The following SPRY2 variants were observed in gnomAD, a reference collection of about 807,000 sequenced individuals.
SPRY2 encodes the protein protein sprouty homolog 2.
In SPRY2, 10 loss-of-function variants were observed where a neutral mutation model predicts 23.4. The ratio of observed to expected loss-of-function variants is 0.43; its 90% CI spans 0.26 to 0.73. SPRY2 has a LOEUF of 0.73. SPRY2 is among the 30% of genes least tolerant of loss of function. The probability of loss-of-function intolerance (pLI) is 0.22; values close to 1 mark genes in which losing one functional copy is unlikely to be tolerated. For missense variants in SPRY2, 344 were observed against 396.9 expected (o/e 0.87, Z 1.13); for synonymous variants, 170 against 156.9 (o/e 1.08, Z -0.62).
chr13:80,341,041 C>T lies in SPRY2; in HGVS notation c.-471G>A, dbSNP rs1880497742. 6.8e-6 allele frequency: 1 copy of T among 146,870 alleles called. No homozygotes were observed. The highest frequency in any genetic ancestry group is 1.5e-5 in the Non-Finnish European group (1 of 65,352). The allele number at this position is 146,870 out of a possible 1,614,324, so 9.1% of individuals were successfully genotyped here. A position where few individuals can be genotyped will look rare whatever the true frequency, so the allele number is the denominator to read the frequency against. On this transcript the variant is annotated 5_prime_UTR_variant, in exon 1 of 2. Coordinates refer to ENST00000377104, the MANE Select transcript of SPRY2 (RefSeq NM_005842.4). The stretch of plus-strand genomic sequence containing the variant: ...GGGGCGCGGGCCGGGCCGGGCCGGG[C>T]GGGCGCGGGGGCCTGGGCGCTGCGC...
intron 1 of SPRY2, 102 bp downstream of exon 1, chr13:80,340,519 CG>C (rs1403219147): frequency 6.6e-6 from 1 of 152,220 alleles, no homozygotes; most frequent in Non-Finnish European, 1.5e-5. Flanking sequence ...AAGGGAGGCT[CG>C]GGGAGAGACG....
chr13:80,337,035 C>G lies in SPRY2; in HGVS notation c.671G>C (p.Gly224Ala). ...DYGTCVCCVK[G>A]LFYHCSNDDE... ...ATCATTAGAACAGTGATAGAAGAGA[C>G]CTTTCACACAGCATACACAAGTCCC... The change falls in exon 2 of 2, where the codon GGT becomes GCT. Residue 224 changes from glycine to alanine, a missense_variant. Coordinates refer to ENST00000377104, the MANE Select transcript of SPRY2 (RefSeq NM_005842.4). 6.2e-7 allele frequency: 1 copy of G among 1,614,242 alleles called. No homozygotes were observed. The highest frequency in any genetic ancestry group is 8.5e-7 in the Non-Finnish European group (1 of 1,180,054).
In SPRY2 at chr13:80,337,625, C is replaced by A; in HGVS notation, c.81G>T (p.Glu27Asp). 1 of 1,614,054 alleles carries A rather than the reference C, an allele frequency of 6.2e-7. No homozygotes were observed. Among genetic ancestry groups the A allele is most frequent in the South Asian group, 1.1e-5 (1 of 91,082 alleles). The change falls in exon 2 of 2, where the codon GAG (glutamate) becomes GAT (aspartate). Residue 27 changes from glutamate to aspartate, a missense_variant. Coordinates refer to ENST00000377104, the MANE Select transcript of SPRY2 (RefSeq NM_005842.4). ...TPRDGGRQRG[E>D]PDPRDALTQQ... is the part of the protein sequence containing the mutation. ...GGGTGAGGGCGTCTCTGGGGTCGGG[C>A]TCCCCACGCTGTCTGCCACCGTCAC...
Position 80,337,419 on chromosome 13 carries a change from T to G in SPRY2, c.287A>C (p.His96Pro), listed in dbSNP as rs1880318185. 15 of 1,613,934 alleles carry G rather than the reference T, an allele frequency of 9.3e-6. No homozygotes were observed. Among genetic ancestry groups the G allele is most frequent in the Non-Finnish European group, 1.3e-5 (15 of 1,180,014 alleles). The change falls in exon 2 of 2, where the codon CAC (histidine) becomes CCC (proline). Residue 96 changes from histidine (H) to proline (P), a missense_variant. Transcript: ENST00000377104. ...TCGTGCAGAAGAATGGACCTGCGAG[T>G]GCTGGAGCCTAGGAGGCTGGCGGTG... is the stretch of plus-strand genomic sequence containing the variant. ...PEHRQPPRLQ[H>P]SQVHSSARAP...
rs1433952843 is a variant in SPRY2 at position 80,337,702 on chromosome 13, C to T, written c.4G>A (p.Glu2Lys). 6.2e-7 allele frequency: 1 copy of T among 1,609,740 alleles called. No individual in the cohort carries two copies. Among genetic ancestry groups the T allele is most frequent in the East Asian group, 2.2e-5 (1 of 44,868 alleles). ...CCGTTGCCACTCTGAGCTCTGGCCT[C>T]CATCAGGTCTTGGAAGTGTGGTCAC... M[E>K]ARAQSGNGSQ... The change falls in exon 2 of 2, where the codon GAG becomes AAG. Residue 2 changes from glutamate (E) to lysine (K), a missense_variant. Glu to Lys is a moderately conservative substitution (Grantham distance 56). Coordinates refer to ENST00000377104, the MANE Select transcript of SPRY2 (RefSeq NM_005842.4).
At position 80,337,351 on chromosome 13, in the gene SPRY2, G is replaced by A. The variant is rs869025336; in HGVS notation, c.355C>T (p.Arg119Trp). 8.7e-6 allele frequency: 14 copies of A among 1,614,016 alleles called. No homozygotes were observed. The highest frequency in any genetic ancestry group is 1.6e-4 in the Middle Eastern group (1 of 6,084). The change falls in exon 2 of 2, where the codon CGG becomes TGG. Residue 119 changes from arginine (R) to tryptophan (W), a missense_variant. Physicochemically the swap from Arg to Trp is moderately radical, Grantham distance 101. Transcript: ENST00000377104. ...CTGGTACTTGTCCTCGTACTGCTCC[G>A]CGACCCTGAGCTGACCGTGCTTATG... is the stretch of plus-strand genomic sequence containing the variant. ...RSISTVSSGS[R>W]SSTRTSTSSS...
chr13:80,340,745 C>G lies in SPRY2; in HGVS notation c.-175G>C, dbSNP rs1400721052. On this transcript the variant is annotated 5_prime_UTR_variant, in exon 1 of 2. Transcript: ENST00000377104. ...TCCAACCTCTGCTTTAGACCAACTT[C>G]CGAGCAATCGGCGGGAGAAAAAAAG... is the stretch of plus-strand genomic sequence containing the variant. 6.6e-6 allele frequency: 1 copy of G among 152,294 alleles called. No individual in the cohort carries two copies. Among genetic ancestry groups the G allele is most frequent in the Non-Finnish European group, 1.5e-5 (1 of 68,078 alleles). 9.4% of individuals were successfully genotyped at this position (152,294 alleles called of 1,614,324 possible).
In SPRY2 at chr13:80,341,039, G is replaced by C. The variant is rs1364554091; in HGVS notation, c.-469C>G. 6.8e-6 allele frequency: 1 copy of C among 146,946 alleles called. No individual in the cohort carries two copies. The highest frequency in any genetic ancestry group is 1.5e-5 in the Non-Finnish European group (1 of 65,346). The allele number at this position is 146,946 out of a possible 1,614,324, so 9.1% of individuals were successfully genotyped here. On this transcript the variant is annotated 5_prime_UTR_variant, in exon 1 of 2. Coordinates refer to ENST00000377104, the MANE Select transcript of SPRY2 (RefSeq NM_005842.4). The stretch of plus-strand genomic sequence containing the variant: ...CGGGGGCGCGGGCCGGGCCGGGCCG[G>C]GCGGGCGCGGGGGCCTGGGCGCTGC...
chr13:80,337,349 C>T lies in SPRY2; in HGVS notation c.357G>A (p.Arg119=), dbSNP rs1248389345. ...RSISTVSSGS[R]SSTRTSTSSS... is the part of the protein sequence containing the mutation. The stretch of plus-strand genomic sequence containing the variant: ...TGCTGGTACTTGTCCTCGTACTGCT[C>T]CGCGACCCTGAGCTGACCGTGCTTA... Residue 119 remains arginine (R), a synonymous_variant, in exon 2 of 2, where the codon CGG becomes CGA. Coordinates refer to ENST00000377104, the MANE Select transcript of SPRY2 (RefSeq NM_005842.4). 1 of 1,614,180 alleles carries T rather than the reference C, an allele frequency of 6.2e-7. No individual in the cohort carries two copies. Among genetic ancestry groups the T allele is most frequent in the South Asian group, 1.1e-5 (1 of 91,080 alleles).
In SPRY2 at chr13:80,336,971, G is replaced by A. The variant is rs142530569; in HGVS notation, c.735C>T (p.Ser245=). 1.3e-4 allele frequency: 215 copies of A among 1,614,212 alleles called. 3 individuals are homozygous for A. The African/African-American group carries it at 2.5e-3, about 19-fold the overall frequency. ...ACCATCGTGTACAACAGTGAGACTG[G>A]CTGCAAGAACATGGGTTGTCAGCAC... ...DNCADNPCSC[S]QSHCCTRWSA... is the part of the protein sequence containing the mutation. Residue 245 remains serine, a synonymous_variant, in exon 2 of 2, where the codon AGC becomes AGT. Transcript: ENST00000377104.
In SPRY2 at chr13:80,336,289, T is replaced by C. The variant is rs1005331231; in HGVS notation, c.*469A>G. 10 of 205,912 alleles carry C rather than the reference T, an allele frequency of 4.9e-5. No homozygotes were observed. In the South Asian group the frequency reaches 8.4e-4, roughly 17 times the overall value. The allele number at this position is 205,912 out of a possible 1,614,324, so 12.8% of individuals were successfully genotyped here. A position where few individuals can be genotyped will look rare whatever the true frequency, so the allele number is the denominator to read the frequency against. ...AAAATACAATCTAAAAACATACTGA[T>C]TGATTCACATTCTTCCGAATGTACA... is the stretch of plus-strand genomic sequence containing the variant. On this transcript the variant is annotated 3_prime_UTR_variant, in exon 2 of 2. Coordinates refer to ENST00000377104, the MANE Select transcript of SPRY2 (RefSeq NM_005842.4).
In SPRY2 at chr13:80,337,561, T is replaced by A. The variant is rs755783967; in HGVS notation, c.145A>T (p.Ile49Phe). ...TCTGTGTACTCATTGGTGTTTCGGA[T>A]GGCTCTGATCTGATCCAGAGACAAG... ...HVLSLDQIRA[I>F]RNTNEYTEGP... The change falls in exon 2 of 2, where the codon ATC becomes TTC. Residue 49 changes from isoleucine to phenylalanine, a missense_variant. Transcript: ENST00000377104. The A allele has an allele frequency of 6.2e-7, 1 of 1,614,058 alleles. No individual in the cohort carries two copies. Among genetic ancestry groups the A allele is most frequent in the Non-Finnish European group, 8.5e-7 (1 of 1,180,014 alleles).
In SPRY2 at chr13:80,336,811, CTG is replaced by C. The variant is rs1394405713; in HGVS notation, c.893_894del (p.Thr298SerfsTer11). On this transcript the variant is annotated frameshift_variant, in exon 2 of 2. Transcript: ENST00000377104. LOFTEE classifies it high-confidence loss of function. Reference sequence around the variant, plus strand: ...GGGACAGTGGGAACTTTGCAGCAAACTGTGTTTGAGTTTTTACAGCGGCAACC... The same window carrying C: ...GGGACAGTGGGAACTTTGCAGCAAACTGTTTGAGTTTTTACAGCGGCAACC... The part of the protein sequence containing the change: ...RPGCRCKNSN[T>X]VCCKVPTVPP... 6.2e-7 allele frequency: 1 copy of C among 1,613,978 alleles called. No individual in the cohort carries two copies. Among genetic ancestry groups the C allele is most frequent in the African/African-American group, 1.3e-5 (1 of 74,882 alleles).
Position 80,336,657 on chromosome 13 carries a change from T to G in SPRY2, c.*101A>C, listed in dbSNP as rs700397. 367,203 of 1,226,128 alleles carry G rather than the reference T, an allele frequency of 0.3. 60,718 individuals carry two copies. The highest frequency in any genetic ancestry group is 0.35 in the Non-Finnish European group (297,430 of 858,858). The allele number at this position is 1,226,128 out of a possible 1,614,324, so 76.0% of individuals were successfully genotyped here. A position where few individuals can be genotyped will look rare whatever the true frequency, so the allele number is the denominator to read the frequency against. Reference sequence around the variant, plus strand: ...AACAGCAAAGACTATCCCACCTTTCTATTAACAGTGCCAAGATTATAACTG... The same window carrying G: ...AACAGCAAAGACTATCCCACCTTTCGATTAACAGTGCCAAGATTATAACTG... On this transcript the variant is annotated 3_prime_UTR_variant, in exon 2 of 2. Transcript: ENST00000377104.
At chr13:80,340,515 G>A (rs1451492725) in intron 1 of SPRY2, 107 bp downstream of exon 1, 2 of 152,256 alleles carry the variant, frequency 1.3e-5, no homozygotes, top group Non-Finnish European at 2.9e-5. Flanking sequence ...GAGAAAGGGA[G>A]GCTCGGGGAG....
chr13:80,338,942 C>T (rs1168409490), intron 1 of SPRY2: 1 of 152,324 alleles, frequency 6.6e-6, no homozygotes, highest in Non-Finnish European at 1.5e-5. Context: ...CAGCCGATCC[C>T]CAGGGGAGTT....
intron 1 of SPRY2, among the ~76,000 whole-genome samples, chr13:80,340,375 G>A (rs1157140061): frequency 6.6e-6 from 1 of 152,272 alleles, no homozygotes; most frequent in African/African-American, 2.4e-5. Flanking sequence ...GCGGGCGCGC[G>A]GGGTCGCCTG....
intron 1 of SPRY2, chr13:80,339,442 T>C (rs1379457671): frequency 6.6e-6 from 1 of 152,144 alleles, no homozygotes; most frequent in African/African-American, 2.4e-5. Flanking sequence ...AAAGGGCATT[T>C]TCCAGGGTCC....
chr13:80,339,815 C>A (rs948217290), intron 1 of SPRY2, among the ~76,000 whole-genome samples: 3 of 152,186 alleles, frequency 2.0e-5, no homozygotes, highest in Admixed American at 6.5e-5. Context: ...ACAGCAACAA[C>A]AACAACAAAA....
Sources: allele counts gnomAD v4.1 joint callset (sites outside exome capture counted in the v4.1 genomes callset), GRCh38; gene constraint gnomAD v4.1.1; transcripts MANE v1.5; gene names NCBI Gene and HGNC (gene_info 2026-07-23, HGNC 2026-07-21).